AP3M1: variants seen among roughly 807,000 people sequenced by gnomAD.
AP3M1 encodes adaptor related protein complex 3 subunit mu 1.
A neutral mutation model predicts 42.6 loss-of-function variants in AP3M1; 29 were observed. That is an observed-to-expected ratio of 0.68 (90% CI 0.51 to 0.93). The LOEUF (loss-of-function observed/expected upper bound fraction) is 0.93. Ranked by LOEUF, AP3M1 falls within the 40% of genes least tolerant of loss-of-function variation. The pLI is 0.00. For missense variants in AP3M1, 416 were observed against 510.2 expected, an observed-to-expected ratio of 0.82 and a Z score of 1.78; for synonymous variants, 178 against 175.3, an observed-to-expected ratio of 1.02 and a Z score of -0.12.
intron 8 of AP3M1, 76 bp from the exon 9 acceptor site, chr10:74,123,986 G>A: frequency 7.8e-7 from 1 of 1,281,894 alleles, no homozygotes; most frequent in Non-Finnish European, 1.1e-6. Flanking sequence ...GCGCTATATG[G>A]TAAATCTGAC....
Position 74,134,024 on chromosome 10 carries a change from T to TA in AP3M1, c.583+2dup. 1 of 1,613,792 alleles carries TA rather than the reference T, an allele frequency of 6.2e-7. No homozygotes were observed. The highest frequency in any genetic ancestry group is 8.5e-7 in the Non-Finnish European group (1 of 1,179,780). ...CCAAATAAGATGACATGCACACAATTACCTGATTTATCTATAATTGCGTCT... is the reference window on the plus strand; with the variant it reads ...CCAAATAAGATGACATGCACACAATTAACCTGATTTATCTATAATTGCGTCT... On this transcript the variant is annotated splice_region_variant and intron_variant, in intron 4 of 8. Coordinates refer to ENST00000355264, the MANE Select transcript of AP3M1 (RefSeq NM_012095.6).
intron 6 of AP3M1, among the ~76,000 whole-genome samples, chr10:74,128,403 C>T (rs1840682491): frequency 6.6e-6 from 1 of 151,832 alleles, no homozygotes; most frequent in Non-Finnish European, 1.5e-5. Flanking sequence ...CCACGCCTGG[C>T]TAATTTTGTG....
intron 5 of AP3M1, among the ~76,000 whole-genome samples, chr10:74,129,658 A>G (rs752528275): frequency 6.6e-6 from 1 of 152,172 alleles, no homozygotes; most frequent in Non-Finnish European, 1.5e-5. Context: ...ATGATACTGG[A>G]TATTTGCAGA....
intron 3 of AP3M1, among the ~76,000 whole-genome samples, chr10:74,134,929 ATAATAT>A (rs1261678445): frequency 1.4e-5 from 2 of 147,246 alleles, no homozygotes; most frequent in Non-Finnish European, 2.9e-5. Flanking sequence ...ACATTTTAAT[ATAATAT>A]TAACATTTTG....
At chr10:74,126,874 G>A (rs1840631377) in intron 6 of AP3M1, among the ~76,000 whole-genome samples, 1 of 149,328 alleles carries the variant, frequency 6.7e-6, no homozygotes, top group African/African-American at 2.5e-5. Context: ...GGAAGCCTGA[G>A]GCAGGAGAAT....
rs746057438 is a variant in AP3M1 at position 74,136,628 on chromosome 10, T to C, written c.445+4A>G. On this transcript the variant is annotated splice_donor_region_variant and intron_variant, in intron 3 of 8. Coordinates refer to ENST00000355264, the MANE Select transcript of AP3M1 (RefSeq NM_012095.6). ...GTTACTAGCACAGTATGTTTTCATC[T>C]TACCTGTAATAGAGTTGACAACAGA... is the stretch of plus-strand genomic sequence containing the variant. 4.6e-6 allele frequency: 7 copies of C among 1,535,954 alleles called. No homozygotes were observed. The highest frequency in any genetic ancestry group is 6.2e-6 in the Non-Finnish European group (7 of 1,126,938).
chr10:74,137,988 C>T (rs948651437), intron 2 of AP3M1, 119 bp downstream of exon 2: 4 of 1,091,270 alleles, frequency 3.7e-6, no homozygotes, highest in South Asian at 1.7e-5. Flanking sequence ...TGAATTTACG[C>T]TTAAACAGAG....
At chr10:74,148,877 GTT>G (rs1361042773) in intron 1 of AP3M1, among the ~76,000 whole-genome samples, 1 of 138,686 alleles carries the variant, frequency 7.2e-6, no homozygotes. Flanking sequence ...ATATTGGTTT[GTT>G]TTTTTTTTTT....
At chr10:74,127,499 A>G (rs2131963513) in intron 6 of AP3M1, among the ~76,000 whole-genome samples, 1 of 152,086 alleles carries the variant, frequency 6.6e-6, no homozygotes, top group Middle Eastern at 3.4e-3. Flanking sequence ...AAAAATAACA[A>G]AAAACAAAAA....
Position 74,126,502 on chromosome 10 carries a change from T to G in AP3M1, c.804-147A>C, listed in dbSNP as rs965081338. 13 of 628,874 alleles carry G rather than the reference T, an allele frequency of 2.1e-5. No homozygotes were observed. The African/African-American group carries it at 2.4e-4, about 12-fold the overall frequency. The allele number at this position is 628,874 out of a possible 1,614,324, so 39.0% of individuals were successfully genotyped here. A position where few individuals can be genotyped will look rare whatever the true frequency, so the allele number is the denominator to read the frequency against. ...AAGGTACTACAGAGTTGGCTCTCTG[T>G]AGCCACAGTTCTGCATCCTTGAATT... is the stretch of plus-strand genomic sequence containing the variant. On this transcript the variant is annotated intron_variant, in intron 6 of 8. Transcript: ENST00000355264.
Position 74,129,206 on chromosome 10 carries a change from G to A in AP3M1, c.705C>T (p.Pro235=), listed in dbSNP as rs779029562. 6 of 1,613,994 alleles carry A rather than the reference G, an allele frequency of 3.7e-6. No homozygotes were observed. The African/African-American group carries it at 5.3e-5, about 14-fold the overall frequency. The change falls in exon 6 of 9, where the codon CCC becomes CCT. Residue 235 remains proline, a synonymous_variant. Transcript: ENST00000355264. Reference sequence around the variant, plus strand: ...ATTCCCAACGCTTGAACCGGATGCAGGGGTGAAAGCTGACATCATCCAGAA... The same window carrying A: ...ATTCCCAACGCTTGAACCGGATGCAAGGGTGAAAGCTGACATCATCCAGAA... ...PRLLDDVSFH[P]CIRFKRWESE...
chr10:74,126,206 A>C lies in AP3M1; in HGVS notation c.953T>G (p.Val318Gly). The C allele has an allele frequency of 6.2e-7, 1 of 1,614,226 alleles. No individual in the cohort carries two copies. The highest frequency in any genetic ancestry group is 8.5e-7 in the Non-Finnish European group (1 of 1,180,034). Residue 318 changes from valine to glycine, a missense_variant, in exon 7 of 9, where the codon GTG (valine) becomes GGG (glycine). Physicochemically the swap from Val to Gly is moderately radical, Grantham distance 109. Transcript: ENST00000355264. ...TGTGGGTGTCAGGTTCATGTTCAGC[A>C]CAACTTTTGGCATGTGAACTGTCAC... ...ITVTVHMPKV[V>G]LNMNLTPTQG...
At chr10:74,146,895 AG>A (rs1217042928) in intron 1 of AP3M1, among the ~76,000 whole-genome samples, 1 of 151,806 alleles carries the variant, frequency 6.6e-6, no homozygotes, top group Non-Finnish European at 1.5e-5. Context: ...AAAAAAAAAC[AG>A]GGTGGTTTTT....
At position 74,138,401 on chromosome 10, in the gene AP3M1, G is replaced by C. The variant is rs1239080971; in HGVS notation, c.-3-19C>G. On this transcript the variant is annotated intron_variant, in intron 1 of 8. Transcript: ENST00000355264. ...TCATTTTCTGTTGGGGCAAAGAAAG[G>C]TTTAAATTTATTATACATTAAATAT... 2 of 1,595,134 alleles carry C rather than the reference G, an allele frequency of 1.3e-6. No individual in the cohort carries two copies. The highest frequency in any genetic ancestry group is 2.2e-5 in the East Asian group (1 of 44,714).
chr10:74,131,135 C>A (rs1369377090), intron 4 of AP3M1, among the ~76,000 whole-genome samples: 4 of 151,926 alleles, frequency 2.6e-5, no homozygotes, highest in Non-Finnish European at 4.4e-5. Flanking sequence ...AACAAACCAA[C>A]CAAAACCATT....
chr10:74,124,830 T>G (rs1226929916), intron 7 of AP3M1, among the ~76,000 whole-genome samples: 1 of 152,150 alleles, frequency 6.6e-6, no homozygotes, highest in Non-Finnish European at 1.5e-5. Flanking sequence ...AATGAGGAAA[T>G]TAAAGCTCAG....
rs1840707871 is a variant in AP3M1 at position 74,129,343 on chromosome 10, G to A, written c.670-102C>T. 1.9e-5 allele frequency: 24 copies of A among 1,268,826 alleles called. No individual in the cohort carries two copies. In the South Asian group the frequency reaches 3.0e-4, roughly 16 times the overall value. 78.6% of individuals were successfully genotyped at this position (1,268,826 alleles called of 1,614,324 possible). On this transcript the variant is annotated intron_variant, in intron 5 of 8. Transcript: ENST00000355264. ...TGTTCCCTGAAGATAAAGCAGTCAT[G>A]GAAGAGTTTATGACCACATCTACAC...
intron 1 of AP3M1, among the ~76,000 whole-genome samples, chr10:74,142,659 G>A (rs987019588): frequency 6.6e-6 from 1 of 152,096 alleles, no homozygotes; most frequent in Admixed American, 6.5e-5. Flanking sequence ...GACACCTCAG[G>A]GTTGGAACCT....
In AP3M1 at chr10:74,121,622, A is replaced by AGTACT. The variant is rs1840465305; in HGVS notation, c.*2183_*2187dup. 3 of 152,238 alleles carry AGTACT rather than the reference A, an allele frequency of 2.0e-5. No individual in the cohort carries two copies. Among genetic ancestry groups the AGTACT allele is most frequent in the Admixed American group, 2.0e-4 (3 of 15,290 alleles). 9.4% of individuals were successfully genotyped at this position (152,238 alleles called of 1,614,324 possible). A position where few individuals can be genotyped will look rare whatever the true frequency, so the allele number is the denominator to read the frequency against. ...ATTAACATACTGAGGTTAGGGAAGG[A>AGTACT]GTACTGAGAAGTGCTTTGCAGCAAC... On this transcript the variant is annotated 3_prime_UTR_variant, in exon 9 of 9. Transcript: ENST00000355264.
Sources: allele counts gnomAD v4.1 joint callset (sites outside exome capture counted in the v4.1 genomes callset), GRCh38; gene constraint gnomAD v4.1.1; transcripts MANE v1.5; gene names NCBI Gene and HGNC (gene_info 2026-07-23, HGNC 2026-07-21).